ROR1: variants seen among roughly 807,000 people sequenced by gnomAD.
ROR1 encodes the protein ROR family WNT receptor 1.
A neutral mutation model predicts 78.8 loss-of-function variants in ROR1; 19 were observed. The ratio of observed to expected loss-of-function variants is 0.24; its 90% CI spans 0.17 to 0.35. ROR1 has a LOEUF of 0.35. Ranked by LOEUF, ROR1 falls within the 10% of genes least tolerant of loss-of-function variation. The pLI, the probability that ROR1 is intolerant of heterozygous loss-of-function variation, is 1.00. For missense variants in ROR1, 917 were observed against 1,177.8 expected, an observed-to-expected ratio of 0.78 and a Z score of 3.24; for synonymous variants, 386 against 433.6, an observed-to-expected ratio of 0.89 and a Z score of 1.36.
intron 1 of ROR1, among the ~76,000 whole-genome samples, chr1:63,799,391 G>A (rs913461499): frequency 1.3e-5 from 2 of 152,180 alleles, no homozygotes; most frequent in Admixed American, 6.5e-5. Context: ...TCCAATGCTA[G>A]CTGTGTCTTG....
At chr1:64,002,524 G>A (rs1646393689) in intron 1 of ROR1, among the ~76,000 whole-genome samples, 1 of 152,186 alleles carries the variant, frequency 6.6e-6, no homozygotes. Context: ...CCATGGAAGA[G>A]AGCCCAAGTA....
At chr1:64,087,711 G>A (rs999968626) in intron 4 of ROR1, among the ~76,000 whole-genome samples, 2 of 152,118 alleles carry the variant, frequency 1.3e-5, no homozygotes, top group African/African-American at 4.8e-5. Flanking sequence ...ATGTAGGGAG[G>A]GGAGCCCTGC....
intron 1 of ROR1, among the ~76,000 whole-genome samples, chr1:63,898,053 C>T (rs1645454540): frequency 6.6e-6 from 1 of 152,286 alleles, no homozygotes; most frequent in Middle Eastern, 3.4e-3. Flanking sequence ...TACATTTAGA[C>T]AACTGGAGGG....
intron 1 of ROR1, among the ~76,000 whole-genome samples, chr1:63,877,184 C>G (rs930872104): frequency 6.6e-6 from 1 of 152,102 alleles, no homozygotes; most frequent in African/African-American, 2.4e-5. Context: ...TACCAAGACC[C>G]AATCAGTTAA....
chr1:64,106,714 C>A (rs1647830147), intron 4 of ROR1: 1 of 152,008 alleles, frequency 6.6e-6, no homozygotes, highest in African/African-American at 2.4e-5. Flanking sequence ...CTGAGATAAC[C>A]ATGTGGTTTT....
intron 1 of ROR1, among the ~76,000 whole-genome samples, chr1:63,777,173 A>T (rs1459099741): frequency 1.3e-5 from 2 of 152,180 alleles, no homozygotes; most frequent in African/African-American, 2.4e-5. Context: ...ACCCAAGCCC[A>T]GGGCTTTAGG....
intron 1 of ROR1, among the ~76,000 whole-genome samples, chr1:63,985,757 T>A (rs1646245732): frequency 6.6e-6 from 1 of 151,310 alleles, no homozygotes; most frequent in Non-Finnish European, 1.5e-5. Context: ...ATATATAAAG[T>A]AAGATTACCT....
intron 4 of ROR1, among the ~76,000 whole-genome samples, chr1:64,073,799 C>G (rs1479487328): frequency 2.6e-5 from 4 of 152,264 alleles, no homozygotes; most frequent in South Asian, 2.1e-4. Context: ...GGGTTTCCCC[C>G]CTGTTCCCGA....
At position 63,978,189 on chromosome 1, in the gene ROR1, C is replaced by T. The variant is rs1055517339; in HGVS notation, c.92-31116C>T. On this transcript the variant is annotated intron_variant, in intron 1 of 8. Transcript: ENST00000371079. ...AAATGACCTCTTTTATTTCTGCATC[C>T]GGGAAGGAGAAGAGGAAAGTAAACG... 8.5e-5 allele frequency among the ~76,000 whole-genome samples: 13 copies of T among 152,198 alleles called. No individual in the cohort carries two copies. In the South Asian group the frequency reaches 1.2e-3, roughly 15 times the overall value.
chr1:63,777,536 T>A (rs375131571), intron 1 of ROR1, among the ~76,000 whole-genome samples: 24 of 152,342 alleles, frequency 1.6e-4, no homozygotes, highest in African/African-American at 5.8e-4. Flanking sequence ...AGATTCAGTA[T>A]ACATGGTAGG....
intron 4 of ROR1, among the ~76,000 whole-genome samples, chr1:64,070,490 T>C (rs1384843222): frequency 1.3e-5 from 2 of 152,060 alleles, no homozygotes; most frequent in African/African-American, 4.8e-5. Flanking sequence ...TAAAATTTTT[T>C]TTTATTTTTT....
intron 8 of ROR1, among the ~76,000 whole-genome samples, chr1:64,172,948 T>C (rs748434510): frequency 6.6e-6 from 1 of 152,318 alleles, no homozygotes; most frequent in African/African-American, 2.4e-5. Context: ...ACAATACAGC[T>C]AATTTCCTGC....
At chr1:63,997,307 G>T (rs1402964738) in intron 1 of ROR1, among the ~76,000 whole-genome samples, 1 of 152,150 alleles carries the variant, frequency 6.6e-6, no homozygotes, top group African/African-American at 2.4e-5. Context: ...ACTACACACT[G>T]CTTTTTGCAG....
chr1:63,862,685 A>T (rs1315125491), intron 1 of ROR1, among the ~76,000 whole-genome samples: 1 of 152,008 alleles, frequency 6.6e-6, no homozygotes, highest in Non-Finnish European at 1.5e-5. Context: ...ACTGCTGAGC[A>T]TATCTTTTTC....
At chr1:64,140,529 C>A in intron 6 of ROR1, 103 bp downstream of exon 6, 2 of 1,085,268 alleles carry the variant, frequency 1.8e-6, no homozygotes, top group Non-Finnish European at 2.7e-6. Flanking sequence ...TACTGTTAAT[C>A]AAATTATTTT....
intron 1 of ROR1, among the ~76,000 whole-genome samples, chr1:63,935,593 A>T (rs1219061221): frequency 6.6e-6 from 1 of 152,214 alleles, no homozygotes; most frequent in Admixed American, 6.5e-5. Context: ...GCCTCTTAGG[A>T]TTATATATAA....
intron 1 of ROR1, among the ~76,000 whole-genome samples, chr1:63,973,555 A>G (rs972587176): frequency 1.3e-5 from 2 of 152,202 alleles, no homozygotes; most frequent in Non-Finnish European, 2.9e-5. Context: ...CATGTAAAAT[A>G]TGACTGGAGA....
rs771956421 is a variant in ROR1, at chr1:64,178,833, C to A, written c.2792C>A (p.Ser931Tyr). 7.4e-6 allele frequency: 12 copies of A among 1,613,238 alleles called. No individual in the cohort carries two copies. Among genetic ancestry groups the A allele is most frequent in the Non-Finnish European group, 1.7e-6 (2 of 1,179,602 alleles). The part of the protein sequence containing the change: ...GDANIHGHTE[S>Y]MISAEL The stretch of plus-strand genomic sequence containing the variant: ...GCCAATATTCATGGACACACCGAAT[C>A]TATGATTTCTGCAGAACTGTAAAAT... The change falls in exon 9 of 9, where the codon TCT becomes TAT. Residue 931 changes from serine (S) to tyrosine (Y), a missense_variant. Ser to Tyr is a moderately radical substitution (Grantham distance 144, BLOSUM62 -2). Transcript: ENST00000371079. The surrounding 1 kb of genome is among the most constrained non-coding windows in gnomAD (Gnocchi z 4.3).
At chr1:64,142,241 C>T (rs1649339174) in intron 6 of ROR1, among the ~76,000 whole-genome samples, 164 bp from the exon 7 acceptor site, 1 of 152,176 alleles carries the variant, frequency 6.6e-6, no homozygotes, top group South Asian at 2.1e-4. Flanking sequence ...TGGGTCCAAG[C>T]CCAGCAAAGC....
Sources: allele counts gnomAD v4.1 joint callset (sites outside exome capture counted in the v4.1 genomes callset), GRCh38; gene constraint gnomAD v4.1.1; non-coding constraint Gnocchi (gnomAD v3.1); transcripts MANE v1.5; gene names NCBI Gene and HGNC (gene_info 2026-07-23, HGNC 2026-07-21).